The following CUL9 variants were observed in gnomAD, a reference collection of about 807,000 sequenced individuals.
CUL9 encodes the protein cullin-9.
CUL9 carries 79 observed loss-of-function variants against 272.6 expected under a neutral mutation model. The ratio of observed to expected loss-of-function variants is 0.29; its 90% CI spans 0.24 to 0.35. The LOEUF (loss-of-function observed/expected upper bound fraction) is 0.35. Ranked by LOEUF, CUL9 falls within the 10% of genes least tolerant of loss-of-function variation. CUL9 has a pLI of 1.00. For missense variants in CUL9, 2,532 were observed against 3,255.6 expected (o/e 0.78, Z 5.41); for synonymous variants, 1,186 against 1,286.5 (o/e 0.92, Z 1.67).
chr6:43,195,188 G>A (rs1773892291), intron 9 of CUL9, among the ~76,000 whole-genome samples: 1 of 152,176 alleles, frequency 6.6e-6, no homozygotes, highest in Non-Finnish European at 1.5e-5. Context: ...TGCTTGGAGG[G>A]TCCAGGCCTT....
Position 43,223,172 on chromosome 6 carries a change from G to C in CUL9, c.7151-92G>C, listed in dbSNP as rs928360972. The C allele has an allele frequency of 6.8e-7, 1 of 1,468,354 alleles. No individual in the cohort carries two copies. Among genetic ancestry groups the C allele is most frequent in the Non-Finnish European group, 9.1e-7 (1 of 1,093,602 alleles). The allele number at this position is 1,468,354 out of a possible 1,614,324, so 91.0% of individuals were successfully genotyped here. ...CATGAGAATGTCTAGAGCTGCACCT[G>C]GTGCTTGGTAGACGTTCCATAGGTG... is the stretch of plus-strand genomic sequence containing the variant. On this transcript the variant is annotated intron_variant, in intron 38 of 40. Transcript: ENST00000252050. The surrounding 1 kb of genome is among the most constrained non-coding windows in gnomAD (Gnocchi z 4.1).
chr6:43,186,822 T>G (rs1562012510), intron 4 of CUL9, 138 bp from the exon 5 acceptor site: 2 of 1,107,448 alleles, frequency 1.8e-6, no homozygotes, highest in Non-Finnish European at 2.6e-6. Context: ...ATGGGGGTTT[T>G]TCCAGGCTTA....
At chr6:43,201,618 T>C (rs1287217815) in intron 16 of CUL9, among the ~76,000 whole-genome samples, 1 of 152,226 alleles carries the variant, frequency 6.6e-6, no homozygotes, top group Non-Finnish European at 1.5e-5. Context: ...TAGCTGGGAC[T>C]ACAGGCGCCT....
Position 43,213,587 on chromosome 6 carries a change from G to T in CUL9, c.5488+20G>T. ...ACGGGGGTAGGTCATTGGGGGCCGG[G>T]CTGAGCCTCTGCTGCTGGTCGGGGG... On this transcript the variant is annotated intron_variant, in intron 28 of 40. Transcript: ENST00000252050. The surrounding 1 kb of genome is among the most constrained non-coding windows in gnomAD (Gnocchi z 5.7). The T allele has an allele frequency of 6.2e-7, 1 of 1,611,638 alleles. No homozygotes were observed.
Position 43,213,123 on chromosome 6 carries a change from C to T in CUL9, c.5213-26C>T, listed in dbSNP as rs1355246745. On this transcript the variant is annotated intron_variant, in intron 26 of 40. Transcript: ENST00000252050. This position sits in a 1 kb window ranked among gnomAD's most constrained non-coding sequence, Gnocchi z 5.7. Reference sequence around the variant, plus strand: ...CCTTGTTTCGCCCATTCTGTGTCTCCACCCTTCTCCTTGACACTTGCCTAG... The same window carrying T: ...CCTTGTTTCGCCCATTCTGTGTCTCTACCCTTCTCCTTGACACTTGCCTAG... The T allele has an allele frequency of 6.2e-6, 10 of 1,610,744 alleles. No individual in the cohort carries two copies. Among genetic ancestry groups the T allele is most frequent in the South Asian group, 1.1e-5 (1 of 90,794 alleles).
At position 43,206,811 on chromosome 6, in the gene CUL9, GCT is replaced by G. The variant is rs1188367176; in HGVS notation, c.5212+302_5212+303del. Among the ~76,000 whole-genome samples, 23 of 151,986 alleles carry G rather than the reference GCT, an allele frequency of 1.5e-4. No homozygotes were observed. The highest frequency in any genetic ancestry group is 5.1e-4 in the African/African-American group (21 of 41,432). On this transcript the variant is annotated intron_variant, in intron 26 of 40. Transcript: ENST00000252050. This position sits in a 1 kb window ranked among gnomAD's most constrained non-coding sequence, Gnocchi z 4.8. ...GACTATTCATTTCCCTCTCAATACT[GCT>G]TTAGTGGCATCCTATAAAGTTTTAA...
Position 43,212,044 on chromosome 6 carries a change from G to A in CUL9, c.5213-1105G>A, listed in dbSNP as rs1582404233. On this transcript the variant is annotated intron_variant, in intron 26 of 40. Coordinates refer to ENST00000252050, the MANE Select transcript of CUL9 (RefSeq NM_015089.4). The stretch of plus-strand genomic sequence containing the variant: ...TTGCAATTATTTCTGGAGGAAAGTG[G>A]GTTATTCATTCACAGGCTGGATTTT... Among the ~76,000 whole-genome samples the A allele has an allele frequency of 2.0e-5, 3 of 152,160 alleles. No homozygotes were observed. The South Asian group carries it at 6.2e-4, about 32-fold the overall frequency.
rs186407871 is a variant in CUL9 at position 43,213,029 on chromosome 6, G to A, written c.5213-120G>A. 3,774 of 1,141,020 alleles carry A rather than the reference G, an allele frequency of 3.3e-3. 13 individuals carry two copies. Among genetic ancestry groups the A allele is most frequent in the Non-Finnish European group, 4.1e-3 (3,267 of 805,186 alleles). The allele number at this position is 1,141,020 out of a possible 1,614,324, so 70.7% of individuals were successfully genotyped here. ...AGCTTGACAAGGTATCTCTCTGTCT[G>A]AAAATGCTGGGGCCCTCCTCCCCAT... On this transcript the variant is annotated intron_variant, in intron 26 of 40. Coordinates refer to ENST00000252050, the MANE Select transcript of CUL9 (RefSeq NM_015089.4). The surrounding 1 kb of genome is among the most constrained non-coding windows in gnomAD (Gnocchi z 5.7).
rs1218137785 is a variant in CUL9, at chr6:43,203,417, G to C, written c.3850G>C (p.Gly1284Arg). 3 of 1,613,964 alleles carry C rather than the reference G, an allele frequency of 1.9e-6. No individual in the cohort carries two copies. Among genetic ancestry groups the C allele is most frequent in the Non-Finnish European group, 2.5e-6 (3 of 1,179,954 alleles). The change falls in exon 19 of 41, where the codon GGC (glycine) becomes CGC (arginine). Residue 1284 changes from glycine (G) to arginine (R), a missense_variant and splice_region_variant. By Grantham distance (125) the Gly-to-Arg change is moderately radical. Around this residue, in one of 3 missense-constraint regions of CUL9, gnomAD observed 2,218 missense variants for 2,788.6 expected, o/e 0.80. Coordinates refer to ENST00000252050, the MANE Select transcript of CUL9 (RefSeq NM_015089.4). This position sits in a 1 kb window ranked among gnomAD's most constrained non-coding sequence, Gnocchi z 5.0. Reference sequence around the variant, plus strand: ...ACAGATAAGTCTGTGCATGTTCCAGGGCGGCATTGACACCCGGGTTCGGGG... The same window carrying C: ...ACAGATAAGTCTGTGCATGTTCCAGCGCGGCATTGACACCCGGGTTCGGGG... Reference protein sequence around the residue: ...IQIRIKRCQQGGIDTRVRGVE... With the variant: ...IQIRIKRCQQRGIDTRVRGVE...
Position 43,203,714 on chromosome 6 carries a change from C to A in CUL9, c.4025+122C>A. ...GCCAGGACATGAGGGGGAAGGTGAACGTAGGTGAGAAGTTTGTGTTAATTG... is the reference window on the plus strand; with the variant it reads ...GCCAGGACATGAGGGGGAAGGTGAAAGTAGGTGAGAAGTTTGTGTTAATTG... On this transcript the variant is annotated intron_variant, in intron 19 of 40. Transcript: ENST00000252050. The surrounding 1 kb of genome is among the most constrained non-coding windows in gnomAD (Gnocchi z 5.0). 6.6e-7 allele frequency: 1 copy of A among 1,504,298 alleles called. No individual in the cohort carries two copies. The highest frequency in any genetic ancestry group is 2.3e-5 in the East Asian group (1 of 44,000). The allele number at this position is 1,504,298 out of a possible 1,614,324, so 93.2% of individuals were successfully genotyped here.
In CUL9 at chr6:43,204,813, C is replaced by T. The variant is rs754773277; in HGVS notation, c.4405C>T (p.Leu1469=). 1 of 1,614,100 alleles carries T rather than the reference C, an allele frequency of 6.2e-7. No homozygotes were observed. The highest frequency in any genetic ancestry group is 1.3e-5 in the African/African-American group (1 of 74,940). Residue 1469 remains leucine (L), a synonymous_variant, in exon 22 of 41, where the codon CTG becomes TTG. Transcript: ENST00000252050. The part of the protein sequence containing the change: ...APSPVLPSSS[L]RNITQCWLSV... ...TTCGCCAGTGCTTCCAAGCAGCAGC[C>T]TGAGGAACATAACCCAGTGCTGGCT...
At position 43,200,423 on chromosome 6, in the gene CUL9, G is replaced by T; in HGVS notation, c.3385-13G>T. The T allele has an allele frequency of 6.2e-7, 1 of 1,614,092 alleles. No individual in the cohort carries two copies. On this transcript the variant is annotated splice_polypyrimidine_tract_variant and intron_variant, in intron 14 of 40. Transcript: ENST00000252050. This position sits in a 1 kb window ranked among gnomAD's most constrained non-coding sequence, Gnocchi z 4.0. ...TCTCCTCTTCCTCATTCTCCCTGAT[G>T]TTCCGGCTGCAGATGGTGCTGGGCC...
chr6:43,200,076 CG>C lies in CUL9; in HGVS notation c.3307del (p.Asp1103ThrfsTer3). On this transcript the variant is annotated frameshift_variant, in exon 14 of 41. Coordinates refer to ENST00000252050, the MANE Select transcript of CUL9 (RefSeq NM_015089.4). LOFTEE classifies it high-confidence loss of function. The surrounding 1 kb of genome is among the most constrained non-coding windows in gnomAD (Gnocchi z 4.0). ...SAQLLLGCEL[R>X]DLVTECEKYA... ...TCAGCTGCTGCTGGGCTGTGAGCTT[CG>C]GGACCTGGTGACAGAGTGTGAGAAG... 6.2e-7 allele frequency: 1 copy of C among 1,614,202 alleles called. No individual in the cohort carries two copies. The highest frequency in any genetic ancestry group is 8.5e-7 in the Non-Finnish European group (1 of 1,180,038).
rs754194998 is a variant in CUL9, at chr6:43,215,188, T to A, written c.5798T>A (p.Leu1933His). The A allele has an allele frequency of 6.2e-7, 1 of 1,614,174 alleles. No homozygotes were observed. Among genetic ancestry groups the A allele is most frequent in the Non-Finnish European group, 8.5e-7 (1 of 1,180,024 alleles). Reference sequence around the variant, plus strand: ...GATGTCCTCTCTTGCATCCTGCACCTCTTAGGCCAGGGCTACGTGAAACGG... The same window carrying A: ...GATGTCCTCTCTTGCATCCTGCACCACTTAGGCCAGGGCTACGTGAAACGG... ...STDVLSCILH[L>H]LGQGYVKRRD... is the part of the protein sequence containing the mutation. The change falls in exon 30 of 41, where the codon CTC (leucine) becomes CAC (histidine). Residue 1933 changes from leucine to histidine, a missense_variant. By Grantham distance (99) the Leu-to-His change is moderately conservative. Around this residue, in one of 3 missense-constraint regions of CUL9, gnomAD observed 2,218 missense variants for 2,788.6 expected, o/e 0.80. Coordinates refer to ENST00000252050, the MANE Select transcript of CUL9 (RefSeq NM_015089.4).
Position 43,223,526 on chromosome 6 carries a change from A to G in CUL9, c.7284+129A>G. On this transcript the variant is annotated intron_variant, in intron 39 of 40. Coordinates refer to ENST00000252050, the MANE Select transcript of CUL9 (RefSeq NM_015089.4). The surrounding 1 kb of genome is among the most constrained non-coding windows in gnomAD (Gnocchi z 4.1). ...AGCAAAGCGGGTGAATGGATGTTAG[A>G]CCTGGGCGCACATCCCGGCTTTTGG... 1.5e-6 allele frequency: 2 copies of G among 1,291,958 alleles called. No individual in the cohort carries two copies. Among genetic ancestry groups the G allele is most frequent in the Non-Finnish European group, 2.1e-6 (2 of 954,820 alleles). 80.0% of individuals were successfully genotyped at this position (1,291,958 alleles called of 1,614,324 possible).
At chr6:43,193,333 A>G in intron 9 of CUL9, 125 bp downstream of exon 9, 3 of 835,890 alleles carry the variant, frequency 3.6e-6, no homozygotes. Flanking sequence ...AAAGATGCAG[A>G]TGGTTTTAAG....
rs1254315772 is a variant in CUL9 at position 43,203,860 on chromosome 6, C to G, written c.4032C>G (p.Asn1344Lys). The change falls in exon 20 of 41, where the codon AAC (asparagine) becomes AAG (lysine). Residue 1344 changes from asparagine to lysine, a missense_variant. Physicochemically the swap from Asn to Lys is moderately conservative, Grantham distance 94. Around this residue, in one of 3 missense-constraint regions of CUL9, gnomAD observed 2,218 missense variants for 2,788.6 expected, o/e 0.80. Coordinates refer to ENST00000252050, the MANE Select transcript of CUL9 (RefSeq NM_015089.4). This position sits in a 1 kb window ranked among gnomAD's most constrained non-coding sequence, Gnocchi z 5.0. The part of the protein sequence containing the change: ...RRLLQLCPRL[N>K]RVLRHEQNFA... ...ATGCACTGTTTGTTCCCAGACTGAA[C>G]AGGGTTTTGCGCCACGAGCAGAATT... is the stretch of plus-strand genomic sequence containing the variant. The G allele has an allele frequency of 3.7e-6, 6 of 1,610,324 alleles. No individual in the cohort carries two copies. The highest frequency in any genetic ancestry group is 5.1e-6 in the Non-Finnish European group (6 of 1,177,812).
At chr6:43,205,700 G>T (rs945353916) in intron 24 of CUL9, among the ~76,000 whole-genome samples, 1 of 151,966 alleles carries the variant, frequency 6.6e-6, no homozygotes, top group Non-Finnish European at 1.5e-5. Flanking sequence ...GTGGTGGCAG[G>T]CACCTGTAAT....
chr6:43,220,464 C>T lies in CUL9; in HGVS notation c.6288C>T (p.Cys2096=). 6.2e-7 allele frequency: 1 copy of T among 1,614,080 alleles called. No homozygotes were observed. Among genetic ancestry groups the T allele is most frequent in the Non-Finnish European group, 8.5e-7 (1 of 1,179,964 alleles). ...CCTCCTTTTGTCCCTCCCAGTCTTGCTGGAATGAGTACCTGACAACTCGGA... is the reference window on the plus strand; with the variant it reads ...CCTCCTTTTGTCCCTCCCAGTCTTGTTGGAATGAGTACCTGACAACTCGGA... ...LCCMHYCCKS[C]WNEYLTTRIE... Residue 2096 remains cysteine (C), a synonymous_variant, in exon 32 of 41, where the codon TGC becomes TGT. Transcript: ENST00000252050. The surrounding 1 kb of genome is among the most constrained non-coding windows in gnomAD (Gnocchi z 4.9).
Sources: gnomAD v4.1 joint callset for allele counts (sites outside exome capture counted in the v4.1 genomes callset) on GRCh38, gnomAD v4.1.1 for gene constraint, gnomAD v4.1.1 regional missense constraint, Gnocchi (gnomAD v3.1) non-coding constraint, MANE v1.5 for transcripts, NCBI Gene and HGNC (gene_info 2026-07-23, HGNC 2026-07-21) for gene names.